Variants in CAMTA1 observed in about 807,000 individuals in gnomAD.
CAMTA1 encodes the protein calmodulin binding transcription activator 1, also known as calmodulin-binding transcription activator 1.
In CAMTA1, 27 loss-of-function variants were observed where a neutral mutation model predicts 170.9. The ratio of observed to expected loss-of-function variants is 0.16; its 90% confidence interval spans 0.12 to 0.22. The LOEUF is 0.22. Among genes scored for constraint, CAMTA1 ranks in the 10% least tolerant of loss-of-function variants. The probability of loss-of-function intolerance (pLI) is 1.00; values close to 1 mark genes in which losing one functional copy is unlikely to be tolerated. For missense variants in CAMTA1, 1,619 were observed against 2,217.2 expected, an observed-to-expected ratio of 0.73 and a Z score of 5.42; for synonymous variants, 833 against 891.5, an observed-to-expected ratio of 0.93 and a Z score of 1.17.
chr1:6,860,964 CTT>C (rs1247559136), intron 3 of CAMTA1, among the ~76,000 whole-genome samples: 45 of 127,796 alleles, frequency 3.5e-4, no homozygotes, highest in Admixed American at 2.4e-4. Context: ...GTGTGACTTA[CTT>C]TTTTTTTTTT....
intron 3 of CAMTA1, among the ~76,000 whole-genome samples, chr1:6,972,624 G>T (rs1692742626): frequency 6.6e-6 from 1 of 152,156 alleles, no homozygotes; most frequent in Admixed American, 6.5e-5. Flanking sequence ...GTCCTATCTG[G>T]CTGTCTTAGG....
intron 4 of CAMTA1, among the ~76,000 whole-genome samples, chr1:7,157,189 A>G (rs1558181937): frequency 1.3e-5 from 2 of 151,602 alleles, no homozygotes; most frequent in East Asian, 3.9e-4. Flanking sequence ...TAAAAATACA[A>G]AAAAAATTAG....
intron 5 of CAMTA1, among the ~76,000 whole-genome samples, chr1:7,356,172 G>A (rs1055237364): frequency 2.6e-5 from 4 of 152,224 alleles, no homozygotes; most frequent in African/African-American, 7.2e-5. Flanking sequence ...GCTTTGGCTG[G>A]GGTGTTCTTA....
chr1:7,478,304 C>T lies in CAMTA1; in HGVS notation c.510+10403C>T, dbSNP rs1003413055. ...TGATTAGGAACAAAACTCACTTGTTCCGCAGCCTCAGGCGGGAATCTGGTG... is the reference window on the plus strand; with the variant it reads ...TGATTAGGAACAAAACTCACTTGTTTCGCAGCCTCAGGCGGGAATCTGGTG... On this transcript the variant is annotated intron_variant, in intron 6 of 22. Transcript: ENST00000303635. Among the ~76,000 whole-genome samples the T allele has an allele frequency of 5.3e-5, 8 of 152,324 alleles. No individual in the cohort carries two copies. In the East Asian group the frequency reaches 9.7e-4, roughly 18 times the overall value.
At chr1:7,306,969 A>G (rs2149585959) in intron 5 of CAMTA1, among the ~76,000 whole-genome samples, 1 of 152,120 alleles carries the variant, frequency 6.6e-6, no homozygotes, top group Middle Eastern at 3.4e-3. Context: ...TGGGAGGGTA[A>G]GCATAGGTTA....
intron 21 of CAMTA1, 148 bp downstream of exon 21, chr1:7,752,681 C>T (rs2150177547): frequency 1.6e-6 from 1 of 610,606 alleles, no homozygotes; most frequent in Non-Finnish European, 2.8e-6. Flanking sequence ...CGGTAGAGCT[C>T]TTTAACTAGG....
chr1:7,492,401 T>C (rs1309332), intron 6 of CAMTA1, among the ~76,000 whole-genome samples: 92,670 of 151,970 alleles, frequency 0.61, 29,458 homozygotes, highest in African/African-American at 0.78. Flanking sequence ...GATCCTCAGC[T>C]GGGGTGTGCA....
chr1:7,750,962 G>T, intron 19 of CAMTA1: 4 of 657,780 alleles, frequency 6.1e-6, no homozygotes, highest in Middle Eastern at 2.4e-4. Flanking sequence ...AAGATATTTT[G>T]ATATTTTAGG....
In CAMTA1 at chr1:6,793,879, G is replaced by A. The variant is rs914064236; in HGVS notation, c.45+8304G>A. 1.2e-4 allele frequency among the ~76,000 whole-genome samples: 18 copies of A among 152,222 alleles called. No individual in the cohort carries two copies. In the East Asian group the frequency reaches 3.1e-3, roughly 26 times the overall value. The stretch of plus-strand genomic sequence containing the variant: ...TAAATTTGTTTTTTAATCCTTTTCT[G>A]AAAAGTCATTTCTGAGGATATATGT... On this transcript the variant is annotated intron_variant, in intron 1 of 22. Coordinates refer to ENST00000303635, the MANE Select transcript of CAMTA1 (RefSeq NM_015215.4).
At position 7,663,607 on chromosome 1, in the gene CAMTA1, A is replaced by G; in HGVS notation, c.1060A>G (p.Thr354Ala). 6.2e-7 allele frequency: 1 copy of G among 1,614,106 alleles called. No homozygotes were observed. The highest frequency in any genetic ancestry group is 8.5e-7 in the Non-Finnish European group (1 of 1,180,024). ...CACCAACCAGGTGGAAGTCCCCGAC[A>G]CCACCCAGAGCTCCCCTGTGTCCAT... ...SSTNQVEVPD[T>A]TQSSPVSISS... is the part of the protein sequence containing the mutation. Residue 354 changes from threonine (T) to alanine (A), a missense_variant, in exon 9 of 23, where the codon ACC (threonine) becomes GCC (alanine). This residue lies in a region of CAMTA1 where 731 missense variants were observed against 907.6 expected (regional missense o/e 0.81). Coordinates refer to ENST00000303635, the MANE Select transcript of CAMTA1 (RefSeq NM_015215.4).
Position 7,621,612 on chromosome 1 carries a change from G to A in CAMTA1, c.511-18788G>A, listed in dbSNP as rs1418808018. The stretch of plus-strand genomic sequence containing the variant: ...AATTAATTTCCTGTCAGGTGCCTCT[G>A]CCCAGCAGTGGCAGCCCAACACTCT... On this transcript the variant is annotated intron_variant, in intron 6 of 22. Transcript: ENST00000303635. 3.3e-5 allele frequency among the ~76,000 whole-genome samples: 5 copies of A among 152,206 alleles called. No homozygotes were observed. In the East Asian group the frequency reaches 9.6e-4, roughly 29 times the overall value.
chr1:6,835,606 T>C, intron 3 of CAMTA1, among the ~76,000 whole-genome samples: 1 of 152,176 alleles, frequency 6.6e-6, no homozygotes, highest in East Asian at 1.9e-4. Flanking sequence ...TTCTAACAAG[T>C]GCCCAGGTGA....
chr1:6,883,634 G>A (rs931348932), intron 3 of CAMTA1, among the ~76,000 whole-genome samples: 1 of 152,110 alleles, frequency 6.6e-6, no homozygotes, highest in African/African-American at 2.4e-5. Flanking sequence ...GTCAGTAAGA[G>A]GTCATGGGGT....
At chr1:6,962,976 C>T (rs1213532380) in intron 3 of CAMTA1, among the ~76,000 whole-genome samples, 11 of 150,776 alleles carry the variant, frequency 7.3e-5, no homozygotes, top group Non-Finnish European at 1.3e-4. Context: ...CCCCTTTCAC[C>T]CGTCTGGCCC....
chr1:7,179,869 C>T (rs1452520157), intron 4 of CAMTA1, among the ~76,000 whole-genome samples: 1 of 151,914 alleles, frequency 6.6e-6, no homozygotes, highest in Non-Finnish European at 1.5e-5. Flanking sequence ...GCACAAGAAA[C>T]ATAATAGTAA....
chr1:7,167,517 T>C (rs1648727875), intron 4 of CAMTA1, among the ~76,000 whole-genome samples: 1 of 152,174 alleles, frequency 6.6e-6, no homozygotes, highest in Admixed American at 6.5e-5. Flanking sequence ...GAAATAAGTC[T>C]TCACAGGTGG....
chr1:7,583,443 C>T (rs897510353), intron 6 of CAMTA1, among the ~76,000 whole-genome samples: 2 of 152,014 alleles, frequency 1.3e-5, no homozygotes, highest in Non-Finnish European at 2.9e-5. Context: ...GATTTTGGCT[C>T]AATGAAAGGA....
chr1:6,832,648 A>G (rs1195013116), intron 3 of CAMTA1, among the ~76,000 whole-genome samples: 2 of 152,180 alleles, frequency 1.3e-5, no homozygotes, highest in East Asian at 3.9e-4. Context: ...GGCAGGTGAG[A>G]TATTTCAGTT....
At position 7,680,388 on chromosome 1, in the gene CAMTA1, G is replaced by A. The variant is rs962079033; in HGVS notation, c.2914+2655G>A. On this transcript the variant is annotated intron_variant, in intron 11 of 22. Transcript: ENST00000303635. This position sits in a 1 kb window ranked among gnomAD's most constrained non-coding sequence, Gnocchi z 4.4. ...GGGAGGAGGGCTGGGGAAGGGGTGG[G>A]CGCCAGGGGACTGCAGCGCGGAGCA... Among the ~76,000 whole-genome samples the A allele has an allele frequency of 3.9e-5, 6 of 152,120 alleles. No homozygotes were observed. Among genetic ancestry groups the A allele is most frequent in the African/African-American group, 1.4e-4 (6 of 41,454 alleles).
Sources: gnomAD v4.1 joint callset for allele counts (sites outside exome capture counted in the v4.1 genomes callset) on GRCh38, gnomAD v4.1.1 for gene constraint, gnomAD v4.1.1 regional missense constraint, Gnocchi (gnomAD v3.1) non-coding constraint, MANE v1.5 for transcripts, NCBI Gene and HGNC (gene_info 2026-07-23, HGNC 2026-07-21) for gene names.